Variants in TMEM80 observed in about 807,000 individuals in gnomAD.
TMEM80 encodes transmembrane protein 80.
In TMEM80, 16 loss-of-function variants were observed where a neutral mutation model predicts 13.6. The observed-to-expected ratio is 1.17, with a 90% CI of 0.79 to 1.78. The LOEUF is 1.78. Ranked by LOEUF, TMEM80 falls within the 40% of genes most tolerant of loss-of-function variation. The probability of loss-of-function intolerance (pLI) is 0.00; values close to 1 mark genes in which losing one functional copy is unlikely to be tolerated. For synonymous variants in TMEM80, 92 were observed against 89.5 expected, an observed-to-expected ratio of 1.03 and a Z score of -0.16; for missense variants, 167 against 184.6, an observed-to-expected ratio of 0.90 and a Z score of 0.55.
downstream of TMEM80, chr11:704,132 C>A (rs566969370): frequency 7.1e-6 from 8 of 1,127,820 alleles, no homozygotes; most frequent in East Asian, 6.9e-5. Context: ...TCCCTGAATT[C>A]TCCTAATTAT....
chr11:704,661 T>C (rs2133483152), downstream of TMEM80: 2 of 1,287,304 alleles, frequency 1.6e-6, no homozygotes, highest in Non-Finnish European at 2.0e-6. Context: ...TCCTGATACC[T>C]CCAGTCTCAG....
intron 4 of TMEM80, 29 bp downstream of exon 4, chr11:700,736 C>T (rs1861416726): frequency 6.3e-7 from 1 of 1,575,036 alleles, no homozygotes; most frequent in African/African-American, 1.4e-5. Context: ...CCGTGAAGAA[C>T]CTGTCCTAAG....
At chr11:701,443 C>T (rs1244924282) in intron 4 of TMEM80, among the ~76,000 whole-genome samples, 105 of 129,742 alleles carry the variant, frequency 8.1e-4, no homozygotes, top group Non-Finnish European at 1.3e-3. Context: ...CAGAGTCTCG[C>T]TCTGTCGCCC....
chr11:695,926 C>T, intron 1 of TMEM80, 80 bp downstream of exon 1: 1 of 1,091,010 alleles, frequency 9.2e-7, no homozygotes, highest in Non-Finnish European at 1.2e-6. Context: ...CCGGTTTCCG[C>T]TTTCGGTGCG....
At chr11:695,912 C>T in intron 1 of TMEM80, 66 bp downstream of exon 1, 1 of 1,172,692 alleles carries the variant, frequency 8.5e-7, no homozygotes, top group Non-Finnish European at 1.1e-6. Context: ...CCTGTGGTGA[C>T]AATCCGGTTT....
intron 2 of TMEM80, chr11:699,509 G>A (rs1220513954): frequency 2.6e-5 from 4 of 154,378 alleles, no homozygotes; most frequent in African/African-American, 9.7e-5. Context: ...CACTCTGGGA[G>A]GCTGAGGTGG....
In TMEM80 at chr11:698,489, A is replaced by T. The variant is rs148811910; in HGVS notation, c.20-380A>T. ...AGTCAGAAAAGGTTTTCATCTAGTCATATATGTGTGGCAAATACGGAGAAG... is the reference window on the plus strand; with the variant it reads ...AGTCAGAAAAGGTTTTCATCTAGTCTTATATGTGTGGCAAATACGGAGAAG... On this transcript the variant is annotated intron_variant, in intron 1 of 4. Transcript: ENST00000397510. Among the ~76,000 whole-genome samples, 1,233 of 152,338 alleles carry T rather than the reference A, an allele frequency of 8.1e-3. 14 individuals are homozygous for T. Among genetic ancestry groups the T allele is most frequent in the African/African-American group, 0.028 (1,171 of 41,580 alleles).
chr11:701,392 A>G (rs1861463936), intron 4 of TMEM80, among the ~76,000 whole-genome samples: 1 of 134,514 alleles, frequency 7.4e-6, no homozygotes, highest in African/African-American at 2.8e-5. Context: ...TTTGGTAGAG[A>G]CGAGACAAGG....
intron 3 of TMEM80, 55 bp downstream of exon 3, chr11:700,290 G>A (rs1351582712): frequency 1.4e-5 from 20 of 1,481,142 alleles, no homozygotes; most frequent in Non-Finnish European, 1.8e-5. Context: ...ATTTTGGGAG[G>A]CTGAGGTGGG....
chr11:701,814 T>A (rs1861510289), intron 4 of TMEM80, among the ~76,000 whole-genome samples: 2 of 152,144 alleles, frequency 1.3e-5, no homozygotes, highest in Non-Finnish European at 2.9e-5. Flanking sequence ...CCCCTTTTTT[T>A]AACCACACAA....
chr11:704,770 C>A, downstream of TMEM80: 2 of 688,102 alleles, frequency 2.9e-6, no homozygotes, highest in South Asian at 1.7e-5. Context: ...TGGACTGTCT[C>A]CTGAGGGCAG....
At chr11:695,748 C>T, upstream of TMEM80, 1 of 1,239,340 alleles carries the variant, frequency 8.1e-7, no homozygotes, top group Non-Finnish European at 1.0e-6. Flanking sequence ...TCAGGAGACG[C>T]GAAAATGGCC....
intron 4 of TMEM80, 179 bp downstream of exon 4, chr11:700,886 T>A (rs1861424296): frequency 1.5e-6 from 1 of 650,838 alleles, no homozygotes; most frequent in South Asian, 1.8e-5. Flanking sequence ...CAAGAAGTTT[T>A]GTCCCAGAGA....
intron 1 of TMEM80, among the ~76,000 whole-genome samples, chr11:696,792 G>T (rs1381428209): frequency 1.3e-5 from 2 of 152,202 alleles, no homozygotes; most frequent in East Asian, 3.9e-4. Context: ...AAATTACCCC[G>T]GGGAAGGCCA....
At chr11:704,536 G>A (rs140750324), downstream of TMEM80, 246 of 1,289,398 alleles carry the variant, frequency 1.9e-4, 2 homozygotes, top group East Asian at 4.3e-3. Flanking sequence ...GCCTGCACTC[G>A]CAGAAGACCA....
intron 4 of TMEM80, 197 bp downstream of exon 4, chr11:700,904 C>T (rs1346653180): frequency 3.2e-6 from 2 of 620,694 alleles, no homozygotes; most frequent in Non-Finnish European, 5.8e-6. Context: ...AGACAAATAA[C>T]ACTGGGGGCA....
At chr11:698,585 G>A (rs1477590063) in intron 1 of TMEM80, among the ~76,000 whole-genome samples, 1 of 152,118 alleles carries the variant, frequency 6.6e-6, no homozygotes, top group Non-Finnish European at 1.5e-5. Flanking sequence ...TTTCCCTGAG[G>A]GCCAGCTGGG....
chr11:702,250 T>C (rs7479861), intron 4 of TMEM80, among the ~76,000 whole-genome samples: 56,037 of 152,150 alleles, frequency 0.37, 11,994 homozygotes, highest in South Asian at 0.49. Flanking sequence ...TGTCTGCACT[T>C]ACGTCCCAGA....
Position 703,287 on chromosome 11 carries a change from T to A in TMEM80, c.*137T>A. ...CCATAGATGGTTTTGGATGGTTCCA[T>A]CTGTTCTGGCAGGAGTGGGAGCAGG... On this transcript the variant is annotated 3_prime_UTR_variant, in exon 5 of 5. Transcript: ENST00000397510. 1 of 1,437,898 alleles carries A rather than the reference T, an allele frequency of 7.0e-7. No individual in the cohort carries two copies. Among genetic ancestry groups the A allele is most frequent in the East Asian group, 2.5e-5 (1 of 39,428 alleles). 89.1% of individuals were successfully genotyped at this position (1,437,898 alleles called of 1,614,324 possible).
Sources: allele counts gnomAD v4.1 joint callset (sites outside exome capture counted in the v4.1 genomes callset), GRCh38; gene constraint gnomAD v4.1.1; transcripts MANE v1.5; gene names NCBI Gene and HGNC (gene_info 2026-07-23, HGNC 2026-07-21).